FANCB: variants seen among roughly 807,000 people sequenced by gnomAD.
The protein encoded by FANCB is FA complementation group B, also known as Fanconi anemia group B protein.
Under a neutral mutation model 38.9 loss-of-function variants are expected in FANCB, and 5 were observed. That is an observed-to-expected ratio of 0.13 (90% CI 0.07 to 0.27). The LOEUF is 0.27. Ranked by LOEUF, FANCB falls within the 10% of genes least tolerant of loss-of-function variation. The probability of loss-of-function intolerance (pLI) is 1.00; values close to 1 mark genes in which losing one functional copy is unlikely to be tolerated. For synonymous variants in FANCB, 236 were observed against 215.4 expected (o/e 1.10, Z -0.84); for missense variants, 573 against 602.7 (o/e 0.95, Z 0.52).
the FANCB span, among the ~76,000 whole-genome samples, chrX:14,760,513 G>A: frequency 2.7e-5 from 3 of 111,596 alleles, no homozygotes; most frequent in Non-Finnish European, 5.6e-5. Flanking sequence ...TAACACTATT[G>A]TATATTTCAA....
intron 3 of FANCB, among the ~76,000 whole-genome samples, chrX:14,861,701 C>G (rs2092447422): frequency 1.8e-5 from 2 of 111,761 alleles, no homozygotes; most frequent in Admixed American, 1.9e-4. Context: ...AGTTGTAAAA[C>G]CCATCATATT....
the FANCB span, among the ~76,000 whole-genome samples, chrX:14,725,783 T>A: frequency 2.7e-5 from 3 of 112,128 alleles, no homozygotes; most frequent in East Asian, 8.4e-4. Flanking sequence ...AACTGATGCA[T>A]AAAATACATA....
At chrX:14,766,879 C>T in the FANCB span, among the ~76,000 whole-genome samples, 1 of 110,376 alleles carries the variant, frequency 9.1e-6, no homozygotes, top group Non-Finnish European at 1.9e-5. Flanking sequence ...GTGTGTTGTT[C>T]CCCATCCTCA....
chrX:14,694,919 T>C, the FANCB span, among the ~76,000 whole-genome samples: 1 of 112,135 alleles, frequency 8.9e-6, no homozygotes. Flanking sequence ...AGTGTTACCA[T>C]TTATTAAGAT....
chrX:14,753,158 C>T, the FANCB span, among the ~76,000 whole-genome samples: 3 of 111,201 alleles, frequency 2.7e-5, no homozygotes, highest in East Asian at 2.8e-4. Context: ...AAATTAATAT[C>T]GCCACCATAT....
the FANCB span, among the ~76,000 whole-genome samples, chrX:14,733,545 G>A: frequency 3.6e-5 from 4 of 111,893 alleles, no homozygotes; most frequent in East Asian, 1.1e-3. Flanking sequence ...ATTTCCTTGA[G>A]CAGTGGTTTA....
At chrX:14,787,936 A>C in the FANCB span, among the ~76,000 whole-genome samples, 1 of 88,734 alleles carries the variant, frequency 1.1e-5, no homozygotes, top group Non-Finnish European at 2.2e-5. Flanking sequence ...AATGATTATA[A>C]AACTGAGATC....
At chrX:14,801,135 T>TG in the FANCB span, among the ~76,000 whole-genome samples, 1 of 111,985 alleles carries the variant, frequency 8.9e-6, no homozygotes, top group Non-Finnish European at 1.9e-5. Context: ...TGCCATGGCA[T>TG]GGGCTTCCAA....
the FANCB span, among the ~76,000 whole-genome samples, chrX:14,779,884 A>G: frequency 3.1e-4 from 34 of 111,240 alleles, no homozygotes; most frequent in Non-Finnish European, 5.6e-4. Context: ...ATTCCACATG[A>G]AACAGAATTG....
the FANCB span, among the ~76,000 whole-genome samples, chrX:14,693,217 T>C: frequency 9.0e-6 from 1 of 111,720 alleles, no homozygotes; most frequent in East Asian, 2.8e-4. Flanking sequence ...AACTCAACTT[T>C]AGTCAGCCTC....
intron 5 of FANCB, among the ~76,000 whole-genome samples, chrX:14,854,152 C>T (rs142277308): frequency 0.014 from 1,561 of 111,647 alleles, 25 homozygotes; most frequent in African/African-American, 0.041. Flanking sequence ...TTTAAAACTT[C>T]TTATGTTGAC....
the FANCB span, among the ~76,000 whole-genome samples, chrX:14,801,036 ACCGAAGCAGAAG>A: frequency 1.1e-4 from 11 of 102,653 alleles, no homozygotes; most frequent in African/African-American, 4.6e-4. Context: ...AGTAGAAATT[ACCGAAGCAGAAG>A]CAGAAGCAGA....
At chrX:14,818,339 A>G in the FANCB span, among the ~76,000 whole-genome samples, 1 of 106,051 alleles carries the variant, frequency 9.4e-6, no homozygotes, top group Non-Finnish European at 1.9e-5. Flanking sequence ...CCAGAAGCAT[A>G]TCTGAGTTGG....
At chrX:14,720,395 A>G in the FANCB span, among the ~76,000 whole-genome samples, 1 of 112,183 alleles carries the variant, frequency 8.9e-6, no homozygotes, top group Admixed American at 9.5e-5. Flanking sequence ...GAAGCATCTC[A>G]GGTTAAGCAT....
the FANCB span, among the ~76,000 whole-genome samples, chrX:14,758,168 C>T: frequency 9.0e-6 from 1 of 111,100 alleles, no homozygotes; most frequent in East Asian, 2.8e-4. Flanking sequence ...AACATAACTC[C>T]ATTGGCCTGA....
intron 6 of FANCB, among the ~76,000 whole-genome samples, chrX:14,852,402 C>T (rs144030045): frequency 0.014 from 1,566 of 110,399 alleles, 25 homozygotes; most frequent in African/African-American, 0.042. Flanking sequence ...CTCTTGACCT[C>T]GTGATCCGCC....
rs1004256542 is a variant in FANCB, at chrX:14,865,131, C to G, written c.380G>C (p.Gly127Ala). ...CCTTAGGCCATCCTTCATCTCATAG[C>G]CTAGTTTAAAACTCAAACGCATTTC... is the stretch of plus-strand genomic sequence containing the variant. ...KFEMRLSFKL[G>A]YEMKDGLRVL... Residue 127 changes from glycine to alanine, a missense_variant, in exon 3 of 10, where the codon GGC becomes GCC. Physicochemically the swap from Gly to Ala is moderately conservative, Grantham distance 60. Transcript: ENST00000650831. The G allele has an allele frequency of 1.7e-6, 2 of 1,203,143 alleles. No individual in the cohort carries two copies. Among genetic ancestry groups the G allele is most frequent in the Non-Finnish European group, 2.2e-6 (2 of 892,483 alleles).
At chrX:14,731,259 T>G in the FANCB span, 1 of 112,642 alleles carries the variant, frequency 8.9e-6, no homozygotes, top group African/African-American at 3.2e-5. Flanking sequence ...AATTGTGTAT[T>G]GTGTAATTAA....
the FANCB span, among the ~76,000 whole-genome samples, chrX:14,796,517 AAC>A: frequency 9.9e-6 from 1 of 101,181 alleles, no homozygotes; most frequent in African/African-American, 3.6e-5. Context: ...TATAATATAT[AAC>A]ATATATAATC....
Sources: allele counts gnomAD v4.1 joint callset (sites outside exome capture counted in the v4.1 genomes callset), GRCh38; gene constraint gnomAD v4.1.1; transcripts MANE v1.5; gene names NCBI Gene and HGNC (gene_info 2026-07-23, HGNC 2026-07-21).